Variants in SNRNP35 observed in about 807,000 individuals in gnomAD.
SNRNP35 encodes the protein U11/U12 small nuclear ribonucleoprotein 35 kDa protein.
A neutral mutation model predicts 24.3 loss-of-function variants in SNRNP35; 16 were observed. The ratio of observed to expected loss-of-function variants is 0.66; its 90% CI spans 0.45 to 1.00. The LOEUF (loss-of-function observed/expected upper bound fraction) is 1.00. Among genes scored for constraint, SNRNP35 ranks in the 50% least tolerant of loss-of-function variants. SNRNP35 has a pLI of 0.00. For missense variants in SNRNP35, 292 were observed against 327.2 expected (o/e 0.89, Z 0.83); for synonymous variants, 106 against 124.8 (o/e 0.85, Z 1.00).
In SNRNP35 at chr12:123,465,857, TC is replaced by T. The variant is rs1451025161; in HGVS notation, c.318del (p.Ala108LeufsTer46). On this transcript the variant is annotated frameshift_variant, in exon 2 of 2. Coordinates refer to ENST00000526639, the MANE Select transcript of SNRNP35 (RefSeq NM_022717.4). LOFTEE classifies it high-confidence loss of function. The surrounding 1 kb of genome is among the most constrained non-coding windows in gnomAD (Gnocchi z 4.2). ...FIEYKEERAV[I>X]KAYRDADGLV... is the part of the protein sequence containing the mutation. ...GAATACAAGGAGGAGCGTGCCGTGA[TC>T]AAAGCTTACCGAGATGCTGATGGCC... 1.9e-6 allele frequency: 3 copies of T among 1,613,628 alleles called. No individual in the cohort carries two copies. The highest frequency in any genetic ancestry group is 1.7e-6 in the Non-Finnish European group (2 of 1,179,986).
chr12:123,471,335 G>C (rs530026349), downstream of SNRNP35: 2 of 152,360 alleles, frequency 1.3e-5, no homozygotes, highest in African/African-American at 4.8e-5. Context: ...GCCTCCCAAA[G>C]TGCTGGGATA....
chr12:123,467,894 C>T (rs1881033402), downstream of SNRNP35, among the ~76,000 whole-genome samples: 1 of 152,060 alleles, frequency 6.6e-6, no homozygotes, highest in Admixed American at 6.6e-5. Context: ...CAAAGTGTTC[C>T]CTTATTATGG....
downstream of SNRNP35, among the ~76,000 whole-genome samples, chr12:123,467,526 T>C (rs1881026762): frequency 6.6e-6 from 1 of 152,230 alleles, no homozygotes; most frequent in Non-Finnish European, 1.5e-5. Flanking sequence ...TGACCTTAAC[T>C]TCTGAGGACT....
At position 123,466,202 on chromosome 12, in the gene SNRNP35, C is replaced by T; in HGVS notation, c.662C>T (p.Pro221Leu). The change falls in exon 2 of 2, where the codon CCC (proline) becomes CTC (leucine). Residue 221 changes from proline to leucine, a missense_variant. Pro to Leu is a moderately conservative substitution (Grantham distance 98). Transcript: ENST00000526639. Reference protein sequence around the residue: ...WQEREPTRVWPDNDWERERDF... With the variant: ...WQEREPTRVWLDNDWERERDF... ...GAAAGAGAGCCGACCAGGGTGTGGCCCGACAATGACTGGGAGAGAGAGAGG... is the reference window on the plus strand; with the variant it reads ...GAAAGAGAGCCGACCAGGGTGTGGCTCGACAATGACTGGGAGAGAGAGAGG... 6.3e-7 allele frequency: 1 copy of T among 1,583,426 alleles called. No homozygotes were observed.
downstream of SNRNP35, among the ~76,000 whole-genome samples, chr12:123,469,275 C>T (rs1881086392): frequency 6.6e-6 from 1 of 152,006 alleles, no homozygotes; most frequent in South Asian, 2.1e-4. Context: ...CTGCCTCAGC[C>T]TCCTGAGTAG....
chr12:123,472,205 G>A (rs1483087663), exon 2 of SNRNP35: 4 of 271,328 alleles, frequency 1.5e-5, no homozygotes, highest in African/African-American at 8.6e-5. Context: ...AGCAATGATA[G>A]TGGCAAGTGA....
chr12:123,465,878 A>G lies in SNRNP35; in HGVS notation c.338A>G (p.Asp113Gly). 1 of 1,614,008 alleles carries G rather than the reference A, an allele frequency of 6.2e-7. No individual in the cohort carries two copies. The highest frequency in any genetic ancestry group is 8.5e-7 in the Non-Finnish European group (1 of 1,180,002). Reference protein sequence around the residue: ...RAVIKAYRDADGLVIDQHEIF... With the variant: ...RAVIKAYRDAGGLVIDQHEIF... ...GTGATCAAAGCTTACCGAGATGCTG[A>G]TGGCCTGGTTATTGACCAGCATGAG... The change falls in exon 2 of 2, where the codon GAT becomes GGT. Residue 113 changes from aspartate (D) to glycine (G), a missense_variant. By Grantham distance (94) the Asp-to-Gly change is moderately conservative. Coordinates refer to ENST00000526639, the MANE Select transcript of SNRNP35 (RefSeq NM_022717.4). This position sits in a 1 kb window ranked among gnomAD's most constrained non-coding sequence, Gnocchi z 4.2.
chr12:123,468,433 A>T (rs1053913342), downstream of SNRNP35, among the ~76,000 whole-genome samples: 2 of 151,780 alleles, frequency 1.3e-5, no homozygotes, highest in Admixed American at 6.6e-5. Flanking sequence ...CACGGCTGTA[A>T]TCTCAGCACT....
At position 123,472,482 on chromosome 12, in the gene SNRNP35, C is replaced by T. The variant is rs985985220; in HGVS notation, n.1489C>T. The stretch of plus-strand genomic sequence containing the variant: ...CAGCAATGACCCCTGGGCTGCAGTT[C>T]GGTTGCAGGCGCTGGTGGCGGGCAG... On this transcript the variant is annotated non_coding_transcript_exon_variant, in exon 2 of 2. Transcript: ENST00000527158. 1.8e-5 allele frequency: 28 copies of T among 1,542,812 alleles called. No homozygotes were observed. In the East Asian group the frequency reaches 2.2e-4, roughly 12 times the overall value.
At position 123,466,643 on chromosome 12, in the gene SNRNP35, G is replaced by A. The variant is rs1880999073; in HGVS notation, c.*362G>A. 1 of 162,064 alleles carries A rather than the reference G, an allele frequency of 6.2e-6. No individual in the cohort carries two copies. Among genetic ancestry groups the A allele is most frequent in the Admixed American group, 6.3e-5 (1 of 15,754 alleles). The allele number at this position is 162,064 out of a possible 1,614,324, so 10.0% of individuals were successfully genotyped here. On this transcript the variant is annotated 3_prime_UTR_variant, in exon 2 of 2. Coordinates refer to ENST00000526639, the MANE Select transcript of SNRNP35 (RefSeq NM_022717.4). ...GGCTCACTGTAACCTCTGCCTCCTG[G>A]GTTCAAGTGATTCTCCTGCCTCAGC...
intron 1 of SNRNP35, chr12:123,459,868 T>C (rs1209415703): frequency 6.3e-7 from 1 of 1,596,560 alleles, no homozygotes; most frequent in Non-Finnish European, 8.5e-7. Context: ...GAAGTGCACC[T>C]AGAAAGATTA....
chr12:123,462,443 A>G (rs896605286), intron 1 of SNRNP35, among the ~76,000 whole-genome samples: 1 of 152,106 alleles, frequency 6.6e-6, no homozygotes, highest in South Asian at 2.1e-4. Flanking sequence ...GATCAGGAGA[A>G]AAATAGAATA....
chr12:123,465,468 CATTGTTG>C lies in SNRNP35; in HGVS notation c.-3-69_-3-63del. 1 of 1,472,326 alleles carries C rather than the reference CATTGTTG, an allele frequency of 6.8e-7. No individual in the cohort carries two copies. The highest frequency in any genetic ancestry group is 9.1e-7 in the Non-Finnish European group (1 of 1,102,836). The allele number at this position is 1,472,326 out of a possible 1,614,324, so 91.2% of individuals were successfully genotyped here. On this transcript the variant is annotated intron_variant, in intron 1 of 1. Coordinates refer to ENST00000526639, the MANE Select transcript of SNRNP35 (RefSeq NM_022717.4). This position sits in a 1 kb window ranked among gnomAD's most constrained non-coding sequence, Gnocchi z 4.2. Reference sequence around the variant, plus strand: ...GTGAATGATAGTATCCTTTTCATGGCATTGTTGTAAGGGTTGAATGAGTGGCTCAGAG... The same window carrying C: ...GTGAATGATAGTATCCTTTTCATGGCTAAGGGTTGAATGAGTGGCTCAGAG...
chr12:123,461,217 G>A (rs986643245), intron 1 of SNRNP35, among the ~76,000 whole-genome samples: 2 of 150,690 alleles, frequency 1.3e-5, no homozygotes, highest in East Asian at 1.9e-4. Flanking sequence ...CCGGGTTCAC[G>A]CCATTCTCCT....
Position 123,465,686 on chromosome 12 carries a change from C to T in SNRNP35, c.146C>T (p.Pro49Leu). The T allele has an allele frequency of 6.2e-7, 1 of 1,613,810 alleles. No homozygotes were observed. Among genetic ancestry groups the T allele is most frequent in the Non-Finnish European group, 8.5e-7 (1 of 1,179,900 alleles). The part of the protein sequence containing the change: ...YVPNKGVIGD[P>L]LLTLFVARLN... ...CCCAACAAAGGTGTCATAGGAGATCCCCTCCTCACCCTGTTTGTGGCCAGA... is the reference window on the plus strand; with the variant it reads ...CCCAACAAAGGTGTCATAGGAGATCTCCTCCTCACCCTGTTTGTGGCCAGA... The change falls in exon 2 of 2, where the codon CCC becomes CTC. Residue 49 changes from proline (P) to leucine (L), a missense_variant. Pro to Leu is a moderately conservative substitution (Grantham distance 98). Transcript: ENST00000526639. The surrounding 1 kb of genome is among the most constrained non-coding windows in gnomAD (Gnocchi z 4.2).
chr12:123,472,039 T>A (rs1251138313), exon 2 of SNRNP35: 1 of 153,796 alleles, frequency 6.5e-6, no homozygotes, highest in African/African-American at 2.4e-5. Context: ...TCAGACCCCT[T>A]GTCTGCCTGA....
Position 123,466,179 on chromosome 12 carries a change from A to C in SNRNP35, c.639A>C (p.Glu213Asp), listed in dbSNP as rs1370570345. The C allele has an allele frequency of 6.2e-7, 1 of 1,604,422 alleles. No individual in the cohort carries two copies. The highest frequency in any genetic ancestry group is 8.5e-7 in the Non-Finnish European group (1 of 1,176,178). ...HDRGREKRWQ[E>D]REPTRVWPDN... Reference sequence around the variant, plus strand: ...GGGGCCGGGAGAAGAGATGGCAAGAAAGAGAGCCGACCAGGGTGTGGCCCG... The same window carrying C: ...GGGGCCGGGAGAAGAGATGGCAAGACAGAGAGCCGACCAGGGTGTGGCCCG... The change falls in exon 2 of 2, where the codon GAA becomes GAC. Residue 213 changes from glutamate to aspartate, a missense_variant. Transcript: ENST00000526639.
Position 123,466,069 on chromosome 12 carries a change from A to G in SNRNP35, c.529A>G (p.Arg177Gly). Residue 177 changes from arginine (R) to glycine (G), a missense_variant, in exon 2 of 2, where the codon AGA (arginine) becomes GGA (glycine). Transcript: ENST00000526639. ...NLPVVKNDLY[R>G]EGKRERRERS... ...GCCAGTTGTTAAAAACGACCTCTATAGAGAGGGAAAACGGGAAAGGCGGGA... is the reference window on the plus strand; with the variant it reads ...GCCAGTTGTTAAAAACGACCTCTATGGAGAGGGAAAACGGGAAAGGCGGGA... 1 of 1,613,936 alleles carries G rather than the reference A, an allele frequency of 6.2e-7. No homozygotes were observed.
chr12:123,468,713 A>G (rs1881065941), downstream of SNRNP35, among the ~76,000 whole-genome samples: 1 of 152,116 alleles, frequency 6.6e-6, no homozygotes, highest in African/African-American at 2.4e-5. Context: ...AAAAACTTGC[A>G]CACTCAGACT....
Sources: gnomAD v4.1 joint callset for allele counts (sites outside exome capture counted in the v4.1 genomes callset) on GRCh38, gnomAD v4.1.1 for gene constraint, Gnocchi (gnomAD v3.1) non-coding constraint, MANE v1.5 for transcripts, NCBI Gene and HGNC (gene_info 2026-07-23, HGNC 2026-07-21) for gene names.